The following CNNM2 variants were observed in gnomAD, a reference collection of about 807,000 sequenced individuals.
CNNM2 encodes metal transporter CNNM2.
In CNNM2, 12 loss-of-function variants were observed where a neutral mutation model predicts 66.9. The observed-to-expected ratio is 0.18, with a 90% CI of 0.11 to 0.29. The LOEUF is 0.29. CNNM2 is among the 10% of genes least tolerant of loss of function. The pLI is 1.00. For missense variants in CNNM2, 705 were observed against 1,167.7 expected (o/e 0.60, Z 5.77); for synonymous variants, 557 against 501.8 (o/e 1.11, Z -1.47).
chr10:103,056,675 C>T (rs1038071706), intron 3 of CNNM2, 120 bp from the exon 4 acceptor site: 23 of 932,832 alleles, frequency 2.5e-5, no homozygotes, highest in Non-Finnish European at 3.4e-5. Context: ...AAGCCTCGTC[C>T]ATTCAAATGC....
At chr10:102,999,585 A>T in intron 1 of CNNM2, among the ~76,000 whole-genome samples, 1 of 152,278 alleles carries the variant, frequency 6.6e-6, no homozygotes, top group East Asian at 1.9e-4. Flanking sequence ...GACTATTTTT[A>T]AAATGGCAAT....
rs372209246 is a variant in CNNM2 at position 103,065,791 on chromosome 10, A to G, written c.2074-2838A>G. Among the ~76,000 whole-genome samples the G allele has an allele frequency of 1.4e-4, 22 of 152,302 alleles. No homozygotes were observed. In the East Asian group the frequency reaches 3.7e-3, roughly 25 times the overall value. ...GCAGACATTTGCAGCCAGCACATAC[A>G]TGTCAGTTCAGGAAGAGATGGACAC... On this transcript the variant is annotated intron_variant, in intron 4 of 7. Transcript: ENST00000369878.
intron 1 of CNNM2, among the ~76,000 whole-genome samples, chr10:103,035,765 A>T (rs912405981): frequency 2.6e-5 from 4 of 152,206 alleles, no homozygotes; most frequent in African/African-American, 9.7e-5. Flanking sequence ...ATTGCCTGGA[A>T]TCCTAACTTA....
At chr10:103,058,840 C>G (rs964593911) in intron 4 of CNNM2, among the ~76,000 whole-genome samples, 2 of 152,206 alleles carry the variant, frequency 1.3e-5, no homozygotes, top group Non-Finnish European at 2.9e-5. Context: ...CCCTCACAGC[C>G]TCAGTCAATC....
At chr10:103,009,144 CGCATGCCTGTTATCCCAGCTACTTGGGA>C (rs1179064013) in intron 1 of CNNM2, among the ~76,000 whole-genome samples, 1 of 152,014 alleles carries the variant, frequency 6.6e-6, no homozygotes, top group African/African-American at 2.4e-5. Flanking sequence ...GGTGTGGTGG[CGCATGCCTGTTATCCCAGCTACTTGGGA>C]GGCTGAGGCA....
chr10:102,950,981 CTTTTTTTTTTTTTT>C lies in CNNM2; in HGVS notation c.1621+30891_1621+30904del, dbSNP rs34870588. The stretch of plus-strand genomic sequence containing the variant: ...GGGGCAATAGGAATTCTTTCTTTCT[CTTTTTTTTTTTTTT>C]TTTTTTTTTTGAGATGGAGTCTCAT... On this transcript the variant is annotated intron_variant, in intron 1 of 7. Coordinates refer to ENST00000369878, the MANE Select transcript of CNNM2 (RefSeq NM_017649.5). Among the ~76,000 whole-genome samples the C allele has an allele frequency of 3.3e-3, 264 of 80,528 alleles. 2 individuals carry two copies. Among genetic ancestry groups the C allele is most frequent in the African/African-American group, 0.013 (253 of 20,202 alleles). The allele number at this position is 80,528 out of a possible 152,430, so 52.8% of individuals were successfully genotyped here. A position where few individuals can be genotyped will look rare whatever the true frequency, so the allele number is the denominator to read the frequency against.
chr10:103,032,085 G>A (rs1236227405), intron 1 of CNNM2, among the ~76,000 whole-genome samples: 1 of 152,142 alleles, frequency 6.6e-6, no homozygotes, highest in Non-Finnish European at 1.5e-5. Context: ...TTTTAGAGGT[G>A]TCCAACACTG....
At chr10:102,945,563 C>A (rs1590289031) in intron 1 of CNNM2, among the ~76,000 whole-genome samples, 1 of 152,072 alleles carries the variant, frequency 6.6e-6, no homozygotes, top group African/African-American at 2.4e-5. Flanking sequence ...CCCCTGCGCC[C>A]CACAGTGTCC....
At chr10:102,943,243 C>CA (rs1393708874) in intron 1 of CNNM2, among the ~76,000 whole-genome samples, 2 of 151,270 alleles carry the variant, frequency 1.3e-5, no homozygotes, top group South Asian at 2.1e-4. Context: ...AAACAAAAAC[C>CA]AAAAAAACCC....
intron 1 of CNNM2, among the ~76,000 whole-genome samples, chr10:103,026,728 C>CT (rs1375419834): frequency 6.6e-6 from 1 of 151,266 alleles, no homozygotes; most frequent in East Asian, 1.9e-4. Flanking sequence ...CAAAAGCATT[C>CT]AGTGTGCTGT....
In CNNM2 at chr10:103,071,863, G is replaced by A. The variant is rs767984470; in HGVS notation, c.2233+24G>A. The A allele has an allele frequency of 7.6e-5, 122 of 1,607,568 alleles. No individual in the cohort carries two copies. Among genetic ancestry groups the A allele is most frequent in the Admixed American group, 1.2e-4 (7 of 59,996 alleles). On this transcript the variant is annotated intron_variant, in intron 6 of 7. Coordinates refer to ENST00000369878, the MANE Select transcript of CNNM2 (RefSeq NM_017649.5). ...AGGTAATTCTGCATGCTTCCTTTCC[G>A]TAATTCTCCTGATTGCCTTCCTTGC... is the stretch of plus-strand genomic sequence containing the variant.
At chr10:102,938,726 A>C (rs1398535300) in intron 1 of CNNM2, among the ~76,000 whole-genome samples, 4 of 152,012 alleles carry the variant, frequency 2.6e-5, no homozygotes, top group Non-Finnish European at 1.5e-5. Flanking sequence ...CTTTACTTAC[A>C]GATGGCATTG....
At position 102,919,647 on chromosome 10, in the gene CNNM2, T is replaced by C; in HGVS notation, c.1167T>C (p.Ala389=). 2.5e-6 allele frequency: 4 copies of C among 1,614,144 alleles called. No individual in the cohort carries two copies. In the South Asian group the frequency reaches 3.3e-5, roughly 13 times the overall value. Residue 389 remains alanine (A), a synonymous_variant, in exon 1 of 8, where the codon GCT becomes GCC. Transcript: ENST00000369878. Reference sequence around the variant, plus strand: ...TTTTCATGATGATGACCTTCCCCGCTTCCTACCCGGTCAGCAAGCTGCTGG... The same window carrying C: ...TTTTCATGATGATGACCTTCCCCGCCTCCTACCCGGTCAGCAAGCTGCTGG... ...TKFFMMMTFP[A]SYPVSKLLDC...
At chr10:102,978,207 A>G (rs1316290668) in intron 1 of CNNM2, among the ~76,000 whole-genome samples, 1 of 145,154 alleles carries the variant, frequency 6.9e-6, no homozygotes, top group Non-Finnish European at 1.5e-5. Flanking sequence ...CCATGCCTGG[A>G]CTTTTTTTTT....
chr10:102,966,641 C>A (rs1179756919), intron 1 of CNNM2, among the ~76,000 whole-genome samples: 1 of 152,106 alleles, frequency 6.6e-6, no homozygotes, highest in African/African-American at 2.4e-5. Flanking sequence ...CTAAAAGGAT[C>A]TTGTTTAAAT....
At position 103,044,551 on chromosome 10, in the gene CNNM2, GA is replaced by G. The variant is rs34595667; in HGVS notation, c.1622-5142del. Among the ~76,000 whole-genome samples, 59,964 of 143,636 alleles carry G rather than the reference GA, an allele frequency of 0.42. 12,110 individuals carry two copies. Among genetic ancestry groups the G allele is most frequent in the East Asian group, 0.56 (2,804 of 4,970 alleles). The allele number at this position is 143,636 out of a possible 152,430, so 94.2% of individuals were successfully genotyped here. On this transcript the variant is annotated intron_variant, in intron 1 of 7. Coordinates refer to ENST00000369878, the MANE Select transcript of CNNM2 (RefSeq NM_017649.5). The stretch of plus-strand genomic sequence containing the variant: ...AGCCAGGGAGTGAGACCCTGTCTCA[GA>G]AAAAAAAAAAAAAGTTGTTTACATT...
chr10:103,058,846 C>T (rs1248616817), intron 4 of CNNM2, among the ~76,000 whole-genome samples: 1 of 152,228 alleles, frequency 6.6e-6, no homozygotes, highest in East Asian at 1.9e-4. Flanking sequence ...CAGCCTCAGT[C>T]AATCTGGCAT....
chr10:102,950,576 A>G (rs748399752), intron 1 of CNNM2, among the ~76,000 whole-genome samples: 2 of 152,044 alleles, frequency 1.3e-5, no homozygotes, highest in African/African-American at 2.4e-5. Context: ...AGCCTGGACA[A>G]TAAAGCTGAG....
chr10:102,949,513 G>A (rs1387903537), intron 1 of CNNM2, among the ~76,000 whole-genome samples: 3 of 151,828 alleles, frequency 2.0e-5, no homozygotes, highest in Non-Finnish European at 4.4e-5. Context: ...GCCGGGCACA[G>A]TGGCTCATGC....
Sources: gnomAD v4.1 joint callset for allele counts (sites outside exome capture counted in the v4.1 genomes callset) on GRCh38, gnomAD v4.1.1 for gene constraint, MANE v1.5 for transcripts, NCBI Gene and HGNC (gene_info 2026-07-23, HGNC 2026-07-21) for gene names.